RNF138: variants seen among roughly 807,000 people sequenced by gnomAD.
RNF138 encodes ring finger protein 138.
RNF138 carries 12 observed loss-of-function variants against 31.0 expected under a neutral mutation model. The ratio of observed to expected loss-of-function variants is 0.39; its 90% CI spans 0.25 to 0.63. The LOEUF is 0.63. Among genes scored for constraint, RNF138 ranks in the 20% least tolerant of loss-of-function variants. The pLI is 0.52. For missense variants in RNF138, 192 were observed against 300.1 expected, an observed-to-expected ratio of 0.64 and a Z score of 2.66; for synonymous variants, 105 against 99.5, an observed-to-expected ratio of 1.06 and a Z score of -0.33.
chr18:32,102,040 C>T (rs1172258285), intron 2 of RNF138, among the ~76,000 whole-genome samples: 3 of 148,118 alleles, frequency 2.0e-5, no homozygotes, highest in Non-Finnish European at 3.0e-5. Context: ...CCATGCCTGG[C>T]TGATTTTTTT....
At chr18:32,105,931 T>C (rs1228301319) in intron 2 of RNF138, among the ~76,000 whole-genome samples, 1 of 152,204 alleles carries the variant, frequency 6.6e-6, no homozygotes, top group Non-Finnish European at 1.5e-5. Flanking sequence ...AAAACATAGC[T>C]GAATATAACA....
chr18:32,127,475 G>A (rs1314941361), intron 7 of RNF138, among the ~76,000 whole-genome samples: 1 of 152,144 alleles, frequency 6.6e-6, no homozygotes, highest in Non-Finnish European at 1.5e-5. Flanking sequence ...TTGTTTTCCA[G>A]TTTAGGTAAG....
chr18:32,124,942 A>T, intron 6 of RNF138, 97 bp downstream of exon 6: 2 of 687,336 alleles, frequency 2.9e-6, no homozygotes, highest in South Asian at 3.5e-5. Context: ...GTTGATTTAT[A>T]TTTGGTTGGG....
In RNF138 at chr18:32,130,231, A is replaced by C. The variant is rs1272598825; in HGVS notation, c.*1044A>C. The C allele has an allele frequency of 6.6e-6, 1 of 152,236 alleles. No homozygotes were observed. The highest frequency in any genetic ancestry group is 1.5e-5 in the Non-Finnish European group (1 of 67,862). 9.4% of individuals were successfully genotyped at this position (152,236 alleles called of 1,614,324 possible). A position where few individuals can be genotyped will look rare whatever the true frequency, so the allele number is the denominator to read the frequency against. ...TGTTTAAAATTTTGTATATCACCAAATTTTTAAAAAGTGATAGTCACAGTG... is the reference window on the plus strand; with the variant it reads ...TGTTTAAAATTTTGTATATCACCAACTTTTTAAAAAGTGATAGTCACAGTG... On this transcript the variant is annotated 3_prime_UTR_variant, in exon 8 of 8. Coordinates refer to ENST00000261593, the MANE Select transcript of RNF138 (RefSeq NM_016271.5).
At chr18:32,105,132 C>T (rs2040007667) in intron 2 of RNF138, among the ~76,000 whole-genome samples, 1 of 152,106 alleles carries the variant, frequency 6.6e-6, no homozygotes. Flanking sequence ...CCCTCTGTCC[C>T]CCAGGCTGGA....
At chr18:32,124,663 T>A (rs950511546) in intron 5 of RNF138, 71 bp from the exon 6 acceptor site, 1 of 778,936 alleles carries the variant, frequency 1.3e-6, no homozygotes, top group African/African-American at 1.7e-5. Context: ...TAGTGATTCC[T>A]CAAAAAATAG....
intron 1 of RNF138, 27 bp from the exon 2 acceptor site, chr18:32,092,672 TC>T (rs1004663387): frequency 8.5e-6 from 6 of 707,560 alleles, no homozygotes; most frequent in East Asian, 2.8e-5. Flanking sequence ...CCTGATGCGA[TC>T]CCCCTCCCCC....
Position 32,110,193 on chromosome 18 carries a change from A to G in RNF138, c.111-1561A>G, listed in dbSNP as rs145039241. Among the ~76,000 whole-genome samples the G allele has an allele frequency of 8.5e-4, 130 of 152,068 alleles. 1 individual carries two copies. Among genetic ancestry groups the G allele is most frequent in the African/African-American group, 3.0e-3 (126 of 41,474 alleles). ...ATTTTTGTAGAGACAGGGTCTTGCT[A>G]TGTTGCCCAGGCTGGTCTTCAACTC... On this transcript the variant is annotated intron_variant, in intron 2 of 7. Coordinates refer to ENST00000261593, the MANE Select transcript of RNF138 (RefSeq NM_016271.5).
chr18:32,109,089 T>A (rs932247028), intron 2 of RNF138, among the ~76,000 whole-genome samples: 1 of 152,148 alleles, frequency 6.6e-6, no homozygotes, highest in Non-Finnish European at 1.5e-5. Context: ...CCAATGTGAG[T>A]TTAGGTTGGT....
intron 3 of RNF138, 137 bp downstream of exon 3, chr18:32,112,056 G>T (rs547846090): frequency 9.7e-6 from 6 of 618,612 alleles, no homozygotes; most frequent in African/African-American, 9.5e-5. Flanking sequence ...GATAGAAAAG[G>T]CCAAAAAAAG....
chr18:32,110,249 T>G (rs1386674959), intron 2 of RNF138, among the ~76,000 whole-genome samples: 5 of 152,188 alleles, frequency 3.3e-5, no homozygotes, highest in Admixed American at 2.6e-4. Context: ...TGCCTTGTCC[T>G]CCCAAAGCAC....
At chr18:32,115,755 A>ACACGCACACACACGCACG (rs1460390923) in intron 4 of RNF138, among the ~76,000 whole-genome samples, 3 of 152,054 alleles carry the variant, frequency 2.0e-5, no homozygotes, top group Admixed American at 6.6e-5. Flanking sequence ...AAACACACAC[A>ACACGCACACACACGCACG]CACGCACACA....
intron 2 of RNF138, among the ~76,000 whole-genome samples, chr18:32,107,846 A>G (rs1030969408): frequency 1.3e-5 from 2 of 151,460 alleles, no homozygotes; most frequent in Non-Finnish European, 2.9e-5. Context: ...CAGTTTTAAT[A>G]TAACTACCCT....
chr18:32,102,433 C>G (rs1180789959), intron 2 of RNF138, among the ~76,000 whole-genome samples: 1 of 150,844 alleles, frequency 6.6e-6, no homozygotes, highest in Non-Finnish European at 1.5e-5. Flanking sequence ...AATCTCCTGA[C>G]CTCGTGATCC....
intron 4 of RNF138, among the ~76,000 whole-genome samples, chr18:32,117,887 T>C (rs2040242709): frequency 6.6e-6 from 1 of 152,230 alleles, no homozygotes; most frequent in South Asian, 2.1e-4. Context: ...TTTTGTTTTC[T>C]TTAGCCACAG....
At chr18:32,106,379 T>C (rs1287740915) in intron 2 of RNF138, among the ~76,000 whole-genome samples, 1 of 152,190 alleles carries the variant, frequency 6.6e-6, no homozygotes, top group Admixed American at 6.5e-5. Context: ...GAAGATGCAG[T>C]TCTAGGTTAT....
chr18:32,110,704 A>G (rs2040112899), intron 2 of RNF138, among the ~76,000 whole-genome samples: 1 of 152,206 alleles, frequency 6.6e-6, no homozygotes, highest in Admixed American at 6.5e-5. Context: ...AAAATGATCA[A>G]ATAAGGTATT....
Position 32,118,418 on chromosome 18 carries a change from C to T in RNF138, c.392+4558C>T, listed in dbSNP as rs544217208. On this transcript the variant is annotated intron_variant, in intron 4 of 7. Coordinates refer to ENST00000261593, the MANE Select transcript of RNF138 (RefSeq NM_016271.5). ...GCGTGGTGGCACACACCTGTAGTCC[C>T]AGCTACTCAGGAGGCTGAGGCAGGA... Among the ~76,000 whole-genome samples, 13 of 152,102 alleles carry T rather than the reference C, an allele frequency of 8.5e-5. No homozygotes were observed. In the South Asian group the frequency reaches 1.0e-3, roughly 12 times the overall value.
chr18:32,111,942 C>A (rs752918175), intron 3 of RNF138, 23 bp downstream of exon 3: 2 of 1,530,826 alleles, frequency 1.3e-6, no homozygotes, highest in African/African-American at 2.8e-5. Flanking sequence ...TGACATCTCT[C>A]TTCTTTGGAA....
Sources: allele counts gnomAD v4.1 joint callset (sites outside exome capture counted in the v4.1 genomes callset), GRCh38; gene constraint gnomAD v4.1.1; transcripts MANE v1.5; gene names NCBI Gene and HGNC (gene_info 2026-07-23, HGNC 2026-07-21).